CDX4: variants seen among roughly 807,000 people sequenced by gnomAD.
CDX4 encodes the protein homeobox protein CDX-4.
Under a neutral mutation model 14.1 loss-of-function variants are expected in CDX4, and 11 were observed. The ratio of observed to expected loss-of-function variants is 0.78; its 90% confidence interval spans 0.49 to 1.29. CDX4 has a LOEUF of 1.29. Among genes scored for constraint, CDX4 ranks in the 50% most tolerant of loss-of-function variants. The pLI, the probability that CDX4 is intolerant of heterozygous loss-of-function variation, is 0.00. For missense variants in CDX4, 257 were observed against 237.4 expected, an observed-to-expected ratio of 1.08 and a Z score of -0.54; for synonymous variants, 100 against 93.5, an observed-to-expected ratio of 1.07 and a Z score of -0.40.
intron 1 of CDX4, among the ~76,000 whole-genome samples, chrX:73,451,474 A>C (rs1403139667): frequency 9.0e-6 from 1 of 111,298 alleles, no homozygotes; most frequent in African/African-American, 3.3e-5. Flanking sequence ...TCTTTTTAAC[A>C]CTTCACATGG....
At chrX:73,451,034 T>C (rs2057085266) in intron 1 of CDX4, among the ~76,000 whole-genome samples, 2 of 111,792 alleles carry the variant, frequency 1.8e-5, no homozygotes, top group Admixed American at 1.9e-4. Flanking sequence ...TTTCTGACTC[T>C]TTGAGGAGAA....
At chrX:73,451,648 A>G (rs1175586617) in intron 1 of CDX4, among the ~76,000 whole-genome samples, 5 of 111,528 alleles carry the variant, frequency 4.5e-5, no homozygotes, top group Non-Finnish European at 9.4e-5. Flanking sequence ...GTGGGGAAGG[A>G]CTACAACATT....
At chrX:73,450,516 G>A (rs1408205413) in intron 1 of CDX4, among the ~76,000 whole-genome samples, 2 of 111,940 alleles carry the variant, frequency 1.8e-5, no homozygotes, top group Non-Finnish European at 3.8e-5. Context: ...AGAGCAGGAA[G>A]TAATTGTGAT....
Position 73,454,242 on chromosome X carries a change from G to T in CDX4, c.649-137G>T, listed in dbSNP as rs773089902. 38 of 467,818 alleles carry T rather than the reference G, an allele frequency of 8.1e-5. No homozygotes were observed. The African/African-American group carries it at 8.8e-4, about 11-fold the overall frequency. 38.6% of individuals were successfully genotyped at this position (467,818 alleles called of 1,213,427 possible). On this transcript the variant is annotated intron_variant, in intron 2 of 2. Coordinates refer to ENST00000373514, the MANE Select transcript of CDX4 (RefSeq NM_005193.2). ...AGCTTTTTTTCTAACCTGTTAAGTG[G>T]GCATACTTCACAAGGTCATTGTGAG...
Position 73,454,579 on chromosome X carries a change from C to T in CDX4, c.849C>T (p.Ser283=), listed in dbSNP as rs889777082. 3.6e-5 allele frequency: 43 copies of T among 1,193,080 alleles called. No individual in the cohort carries two copies. Among genetic ancestry groups the T allele is most frequent in the Non-Finnish European group, 4.5e-5 (40 of 882,273 alleles). ...TTGAGATACAGCAGGTTATAGTCTC[C>T]GAATGAAAGAAAGCAAAGAGAAATT... ...QPIEIQQVIV[S]E The change falls in exon 3 of 3, where the codon TCC becomes TCT. Residue 283 remains serine, a synonymous_variant. Coordinates refer to ENST00000373514, the MANE Select transcript of CDX4 (RefSeq NM_005193.2).
chrX:73,449,820 T>C (rs1429755319), intron 1 of CDX4, among the ~76,000 whole-genome samples: 1 of 111,433 alleles, frequency 9.0e-6, no homozygotes, highest in Non-Finnish European at 1.9e-5. Context: ...AGTAATTTGT[T>C]ACATAATTTT....
chrX:73,447,316 T>C lies in CDX4; in HGVS notation c.63T>C (p.Pro21=). 3 of 1,210,811 alleles carry C rather than the reference T, an allele frequency of 2.5e-6. No homozygotes were observed. The highest frequency in any genetic ancestry group is 1.8e-5 in the South Asian group (1 of 56,889). ...AGMYPGTLMS[P]GGDGTAGTGG... ...TGTACCCGGGCACTCTCATGAGCCCTGGGGGCGACGGCACAGCTGGGACAG... is the reference window on the plus strand; with the variant it reads ...TGTACCCGGGCACTCTCATGAGCCCCGGGGGCGACGGCACAGCTGGGACAG... The change falls in exon 1 of 3, where the codon CCT becomes CCC. Residue 21 remains proline (P), a synonymous_variant. Transcript: ENST00000373514.
chrX:73,454,657 G>C lies in CDX4; in HGVS notation c.*72G>C. On this transcript the variant is annotated 3_prime_UTR_variant, in exon 3 of 3. Transcript: ENST00000373514. ...TTTGGGTCTCTAAGCTATCTACAGG[G>C]GAGTTGGAGCAGGGTGTAATTCCCT... The C allele has an allele frequency of 1.3e-6, 1 of 760,413 alleles. No individual in the cohort carries two copies. Among genetic ancestry groups the C allele is most frequent in the Admixed American group, 2.7e-5 (1 of 36,996 alleles). 62.7% of individuals were successfully genotyped at this position (760,413 alleles called of 1,213,427 possible). A position where few individuals can be genotyped will look rare whatever the true frequency, so the allele number is the denominator to read the frequency against.
In CDX4 at chrX:73,455,131, T is replaced by C. The variant is rs1280197087; in HGVS notation, c.*546T>C. On this transcript the variant is annotated 3_prime_UTR_variant, in exon 3 of 3. Coordinates refer to ENST00000373514, the MANE Select transcript of CDX4 (RefSeq NM_005193.2). ...TGATTCTGATTCCATTGTCACTGCT[T>C]AACAAGAATAACCAATAAAAAAGAC... The C allele has an allele frequency of 8.9e-6, 1 of 112,154 alleles. No homozygotes were observed. Among genetic ancestry groups the C allele is most frequent in the African/African-American group, 3.2e-5 (1 of 30,901 alleles). 9.2% of individuals were successfully genotyped at this position (112,154 alleles called of 1,213,427 possible).
At chrX:73,454,298 T>G in intron 2 of CDX4, 81 bp from the exon 3 acceptor site, 1 of 667,991 alleles carries the variant, frequency 1.5e-6, no homozygotes, top group Non-Finnish European at 2.3e-6. Context: ...ATGAAAGGGC[T>G]TTGTAAATGC....
chrX:73,449,904 A>C (rs2147489090), intron 1 of CDX4, among the ~76,000 whole-genome samples: 1 of 111,429 alleles, frequency 9.0e-6, no homozygotes, highest in South Asian at 3.8e-4. Flanking sequence ...AATTAAGCTG[A>C]TCACCTCACT....
intron 1 of CDX4, among the ~76,000 whole-genome samples, chrX:73,452,260 A>T (rs1196150582): frequency 9.3e-6 from 1 of 107,573 alleles, no homozygotes; most frequent in Non-Finnish European, 1.9e-5. Flanking sequence ...ATGCTATGTA[A>T]CTCTTTTGTT....
Position 73,453,593 on chromosome X carries a change from T to C in CDX4, c.579T>C (p.His193=). 5.8e-6 allele frequency: 7 copies of C among 1,199,268 alleles called. No individual in the cohort carries two copies. Among genetic ancestry groups the C allele is most frequent in the Non-Finnish European group, 7.9e-6 (7 of 886,566 alleles). ...HQRLELEKEF[H]CNRYITIQRK... ...GATTGGAGCTGGAAAAGGAATTCCA[T>C]TGCAATAGATATATCACCATCCAGA... Residue 193 remains histidine (H), a synonymous_variant, in exon 2 of 3, where the codon CAT becomes CAC. Coordinates refer to ENST00000373514, the MANE Select transcript of CDX4 (RefSeq NM_005193.2).
Position 73,447,613 on chromosome X carries a change from C to A in CDX4, c.360C>A (p.Gly120=), listed in dbSNP as rs143815058. ...ACTACAGCAACTTGGGCCCTGTGGG[C>A]GGTGGAACTAGCGGCAGCAGCCTAC... is the stretch of plus-strand genomic sequence containing the variant. ...STDYSNLGPV[G]GGTSGSSLPG... Residue 120 remains glycine, a synonymous_variant, in exon 1 of 3, where the codon GGC becomes GGA. Coordinates refer to ENST00000373514, the MANE Select transcript of CDX4 (RefSeq NM_005193.2). 2 of 1,209,843 alleles carry A rather than the reference C, an allele frequency of 1.7e-6. No individual in the cohort carries two copies. Among genetic ancestry groups the A allele is most frequent in the African/African-American group, 1.7e-5 (1 of 57,364 alleles).
chrX:73,449,313 GA>G (rs1269539366), intron 1 of CDX4, among the ~76,000 whole-genome samples: 10 of 112,109 alleles, frequency 8.9e-5, no homozygotes, highest in African/African-American at 3.2e-4. Flanking sequence ...TAGAGAACAA[GA>G]GAGGAAATGG....
intron 1 of CDX4, 108 bp from the exon 2 acceptor site, chrX:73,453,409 A>G (rs1603328685): frequency 3.4e-6 from 2 of 596,108 alleles, no homozygotes; most frequent in Non-Finnish European, 5.1e-6. Context: ...TACTTATTTT[A>G]TATTTTAAAG....
In CDX4 at chrX:73,447,145, C is replaced by T; in HGVS notation, c.-109C>T. 4.4e-6 allele frequency: 4 copies of T among 908,543 alleles called. No homozygotes were observed. Among genetic ancestry groups the T allele is most frequent in the Non-Finnish European group, 4.6e-6 (3 of 654,457 alleles). The allele number at this position is 908,543 out of a possible 1,213,427, so 74.9% of individuals were successfully genotyped here. ...AGCCTGAGGGGTGCAAAAGAGCTTG[C>T]GGCACAACTACGTACTGATAAGTTT... On this transcript the variant is annotated 5_prime_UTR_variant, in exon 1 of 3. Coordinates refer to ENST00000373514, the MANE Select transcript of CDX4 (RefSeq NM_005193.2).
chrX:73,449,343 T>A (rs1173327281), intron 1 of CDX4, among the ~76,000 whole-genome samples: 1 of 112,152 alleles, frequency 8.9e-6, no homozygotes, highest in Non-Finnish European at 1.9e-5. Context: ...AAAGAAATTA[T>A]CTCCAGCCTT....
At chrX:73,452,123 CTTTTTT>C in intron 1 of CDX4, among the ~76,000 whole-genome samples, 1 of 66,671 alleles carries the variant, frequency 1.5e-5, no homozygotes, top group Admixed American at 1.9e-4. Flanking sequence ...CACTGGTGTC[CTTTTTT>C]TTTTTTTTTT....
Sources: gnomAD v4.1 joint callset for allele counts (sites outside exome capture counted in the v4.1 genomes callset) on GRCh38, gnomAD v4.1.1 for gene constraint, MANE v1.5 for transcripts, NCBI Gene and HGNC (gene_info 2026-07-23, HGNC 2026-07-21) for gene names.